The following SYNPO variants were observed in gnomAD, a reference collection of about 807,000 sequenced individuals.
SYNPO encodes the protein synaptopodin.
SYNPO carries 19 observed loss-of-function variants against 49.5 expected under a neutral mutation model. The ratio of observed to expected loss-of-function variants is 0.38; its 90% CI spans 0.27 to 0.56. The LOEUF (loss-of-function observed/expected upper bound fraction) is 0.56, where lower values mean the gene tolerates loss of function less well. Among genes scored for constraint, SYNPO ranks in the 20% least tolerant of loss-of-function variants. The pLI, the probability that SYNPO is intolerant of heterozygous loss-of-function variation, is 0.68. For missense variants in SYNPO, 1,131 were observed against 1,248.3 expected (o/e 0.91, Z 1.42); for synonymous variants, 536 against 548.0 (o/e 0.98, Z 0.31).
intron 1 of SYNPO, among the ~76,000 whole-genome samples, chr5:150,644,006 C>G (rs1367659800): frequency 6.6e-6 from 1 of 151,866 alleles, no homozygotes; most frequent in Non-Finnish European, 1.5e-5. Context: ...GAAATCCTGT[C>G]TCTACAAAAA....
chr5:150,606,938 C>T (rs1244095762), intron 1 of SYNPO, among the ~76,000 whole-genome samples: 1 of 152,136 alleles, frequency 6.6e-6, no homozygotes, highest in Non-Finnish European at 1.5e-5. Flanking sequence ...TTCATCCAGC[C>T]TCAACAACTG....
chr5:150,632,156 C>G (rs914307408), intron 2 of SYNPO, among the ~76,000 whole-genome samples: 1 of 152,156 alleles, frequency 6.6e-6, no homozygotes, highest in Non-Finnish European at 1.5e-5. Context: ...TTCCCCATCT[C>G]TATTATAGAT....
chr5:150,610,125 G>C (rs1238839546), intron 1 of SYNPO, among the ~76,000 whole-genome samples: 3 of 152,250 alleles, frequency 2.0e-5, no homozygotes, highest in Admixed American at 2.0e-4. Context: ...TGGCTTCAGT[G>C]AGTCCACTTG....
intron 1 of SYNPO, among the ~76,000 whole-genome samples, chr5:150,617,117 T>G (rs1239378041): frequency 6.6e-6 from 1 of 152,154 alleles, no homozygotes; most frequent in African/African-American, 2.4e-5. Flanking sequence ...CTGCGTGCAT[T>G]TTTTCATGTA....
chr5:150,647,893 C>T, intron 1 of SYNPO, 51 bp from the exon 2 acceptor site: 2 of 1,507,700 alleles, frequency 1.3e-6, no homozygotes, highest in Admixed American at 4.0e-5. Flanking sequence ...CCGTGCACCC[C>T]TGTGTCACTG....
rs1423570366 is a variant in SYNPO, at chr5:150,656,774, C to CGCGCAT, written c.2404_2409dup (p.Met802_Arg803dup). On this transcript the variant is annotated inframe_insertion, in exon 3 of 3. Transcript: ENST00000307662. ...CCGCCCCCGCCCCCGCCCCCGCCCC[C>CGCGCAT]GCGCATGCGCTCGCCACAGCCCGCC... 1 of 1,222,896 alleles carries CGCGCAT rather than the reference C, an allele frequency of 8.2e-7. No individual in the cohort carries two copies. Among genetic ancestry groups the CGCGCAT allele is most frequent in the African/African-American group, 1.6e-5 (1 of 61,854 alleles). The allele number at this position is 1,222,896 out of a possible 1,614,324, so 75.8% of individuals were successfully genotyped here. A position where few individuals can be genotyped will look rare whatever the true frequency, so the allele number is the denominator to read the frequency against.
intron 2 of SYNPO, among the ~76,000 whole-genome samples, chr5:150,623,450 C>T (rs1293135441): frequency 6.6e-6 from 1 of 152,178 alleles, no homozygotes; most frequent in Non-Finnish European, 1.5e-5. Context: ...AGCCACTTCC[C>T]TAGAGCAGGC....
chr5:150,656,719 CCCT>C lies in SYNPO; in HGVS notation c.2345_2347del (p.Pro782_Phe783delinsLeu). 1 of 1,385,842 alleles carries C rather than the reference CCCT, an allele frequency of 7.2e-7. No individual in the cohort carries two copies. The allele number at this position is 1,385,842 out of a possible 1,614,324, so 85.8% of individuals were successfully genotyped here. ...GTCGGCGGGCGCCGAGAACCCGCGG[CCCT>C]TCTCCCCGCCGAGGGCGCCACCGCC... On this transcript the variant is annotated inframe_deletion, in exon 3 of 3. Coordinates refer to ENST00000307662, the MANE Select transcript of SYNPO (RefSeq NM_007286.6).
intron 2 of SYNPO, chr5:150,652,431 C>T (rs1758423956): frequency 1.0e-6 from 1 of 983,432 alleles, no homozygotes; most frequent in Non-Finnish European, 1.2e-6. Context: ...TGGGCCTGCT[C>T]AATTACTGTG....
upstream of SYNPO, among the ~76,000 whole-genome samples, chr5:150,637,046 A>C (rs761379856): frequency 6.6e-6 from 1 of 152,218 alleles, no homozygotes; most frequent in Non-Finnish European, 1.5e-5. Flanking sequence ...TGCAAAGCAG[A>C]TATTATTATC....
At chr5:150,620,934 TTTC>T (rs779064917) in intron 2 of SYNPO, among the ~76,000 whole-genome samples, 1 of 142,514 alleles carries the variant, frequency 7.0e-6, no homozygotes, top group Non-Finnish European at 1.5e-5. Context: ...TCTTTCTTTC[TTTC>T]TTTCTTTCTT....
intron 2 of SYNPO, among the ~76,000 whole-genome samples, chr5:150,633,429 T>A (rs1206401415): frequency 6.6e-6 from 1 of 152,214 alleles, no homozygotes; most frequent in African/African-American, 2.4e-5. Flanking sequence ...CTCCCTGCAC[T>A]GCCAGTGAGA....
upstream of SYNPO, among the ~76,000 whole-genome samples, chr5:150,636,516 C>T (rs764521204): frequency 6.6e-6 from 1 of 152,192 alleles, no homozygotes; most frequent in African/African-American, 2.4e-5. Flanking sequence ...GACCCTGGAA[C>T]CAAATCTCCT....
chr5:150,652,339 C>T, intron 2 of SYNPO: 1 of 989,682 alleles, frequency 1.0e-6, no homozygotes, highest in South Asian at 4.7e-5. Context: ...TGCCTCAAAT[C>T]CGTCTTGCTT....
upstream of SYNPO, among the ~76,000 whole-genome samples, chr5:150,638,589 G>A (rs940793544): frequency 6.6e-6 from 1 of 152,224 alleles, no homozygotes; most frequent in Admixed American, 6.5e-5. Context: ...TGAGTCTGGG[G>A]ACATTTACAG....
Position 150,657,213 on chromosome 5 carries a change from G to GGGGTTGGGGAT in SYNPO, c.*132_*142dup. Reference sequence around the variant, plus strand: ...TGAGGGGTCAGCAGAGGAGAGCTCTGGGGTTGGGGATGGGTTAGGGACGCA... The same window carrying GGGGTTGGGGAT: ...TGAGGGGTCAGCAGAGGAGAGCTCTGGGGTTGGGGATGGGTTGGGGATGGGTTAGGGACGCA... On this transcript the variant is annotated 3_prime_UTR_variant, in exon 3 of 3. Transcript: ENST00000307662. 1 of 1,114,908 alleles carries GGGGTTGGGGAT rather than the reference G, an allele frequency of 9.0e-7. No individual in the cohort carries two copies. The highest frequency in any genetic ancestry group is 1.6e-5 in the South Asian group (1 of 61,816). The allele number at this position is 1,114,908 out of a possible 1,614,324, so 69.1% of individuals were successfully genotyped here.
chr5:150,619,412 A>G (rs10053577), intron 2 of SYNPO, among the ~76,000 whole-genome samples: 16,035 of 152,154 alleles, frequency 0.11, 2,013 homozygotes, highest in African/African-American at 0.29. Context: ...AAGGGCAGAT[A>G]GAACACCACC....
chr5:150,649,556 C>T lies in SYNPO; in HGVS notation c.1281C>T (p.Ala427=). The T allele has an allele frequency of 3.1e-6, 5 of 1,610,684 alleles. No individual in the cohort carries two copies. Among genetic ancestry groups the T allele is most frequent in the Non-Finnish European group, 4.2e-6 (5 of 1,178,606 alleles). Residue 427 remains alanine, a synonymous_variant, in exon 2 of 3, where the codon GCC becomes GCT. Transcript: ENST00000307662. ...EEEPFALGAE[A]SNFQQEPAPR... is the part of the protein sequence containing the mutation. ...AGCCCTTCGCACTGGGGGCCGAGGC[C>T]TCCAACTTCCAGCAGGAGCCAGCAC... is the stretch of plus-strand genomic sequence containing the variant.
chr5:150,641,708 C>T (rs186618290), intron 1 of SYNPO, among the ~76,000 whole-genome samples: 1 of 152,374 alleles, frequency 6.6e-6, no homozygotes, highest in East Asian at 1.9e-4. Context: ...TCTTCCCACT[C>T]TACTCATCTT....
Sources: gnomAD v4.1 joint callset for allele counts (sites outside exome capture counted in the v4.1 genomes callset) on GRCh38, gnomAD v4.1.1 for gene constraint, MANE v1.5 for transcripts, NCBI Gene and HGNC (gene_info 2026-07-23, HGNC 2026-07-21) for gene names.